The following SPPL3 variants were observed in gnomAD, a reference collection of about 807,000 sequenced individuals.
SPPL3 encodes the protein signal peptide peptidase like 3.
In SPPL3, 5 loss-of-function variants were observed where a neutral mutation model predicts 42.4. The ratio of observed to expected loss-of-function variants is 0.12; its 90% CI spans 0.06 to 0.25. SPPL3 has a LOEUF of 0.25. Ranked by LOEUF, SPPL3 falls within the 10% of genes least tolerant of loss-of-function variation. SPPL3 has a pLI of 1.00. For missense variants in SPPL3, 235 were observed against 489.0 expected, an observed-to-expected ratio of 0.48 and a Z score of 4.90; for synonymous variants, 195 against 181.8, an observed-to-expected ratio of 1.07 and a Z score of -0.58.
At chr12:120,844,479 C>T (rs1006801027) in intron 1 of SPPL3, among the ~76,000 whole-genome samples, 1 of 152,174 alleles carries the variant, frequency 6.6e-6, no homozygotes, top group Non-Finnish European at 1.5e-5. Flanking sequence ...ACCCAAGCTC[C>T]TGTCTACCTA....
At position 120,901,068 on chromosome 12, in the gene SPPL3, A is replaced by G. The variant is rs553607662; in HGVS notation, c.23+2777T>C. ...ATACCTTTTCCATATTTATATTTCA[A>G]TAAGAATGAGTAAAATGATGGGAGA... is the stretch of plus-strand genomic sequence containing the variant. On this transcript the variant is annotated intron_variant, in intron 1 of 10. Transcript: ENST00000353487. 3.3e-5 allele frequency among the ~76,000 whole-genome samples: 5 copies of G among 152,304 alleles called. No individual in the cohort carries two copies. In the East Asian group the frequency reaches 5.8e-4, roughly 18 times the overall value.
At chr12:120,767,135 G>A (rs1447568946) in intron 9 of SPPL3, among the ~76,000 whole-genome samples, 1 of 152,212 alleles carries the variant, frequency 6.6e-6, no homozygotes, top group Non-Finnish European at 1.5e-5. Context: ...CTAATCCACT[G>A]CACTGTGTGC....
intron 2 of SPPL3, among the ~76,000 whole-genome samples, chr12:120,793,629 C>T (rs1869997990): frequency 2.0e-5 from 3 of 152,320 alleles, no homozygotes; most frequent in South Asian, 4.1e-4. Flanking sequence ...TGAACTGGTG[C>T]AGACACTTTG....
chr12:120,795,438 T>C (rs923563739), intron 2 of SPPL3, among the ~76,000 whole-genome samples: 2 of 152,216 alleles, frequency 1.3e-5, no homozygotes, highest in African/African-American at 4.8e-5. Flanking sequence ...TTTCCGGTAG[T>C]GTATGGTATG....
At chr12:120,797,431 T>C (rs1439765822) in intron 2 of SPPL3, among the ~76,000 whole-genome samples, 2 of 152,180 alleles carry the variant, frequency 1.3e-5, no homozygotes, top group South Asian at 2.1e-4. Flanking sequence ...TCCTCAACTC[T>C]CAGGAATACT....
intron 1 of SPPL3, among the ~76,000 whole-genome samples, chr12:120,868,218 T>G (rs995888553): frequency 6.6e-6 from 1 of 151,320 alleles, no homozygotes; most frequent in Admixed American, 6.6e-5. Flanking sequence ...ATCATGCCAC[T>G]GCACTCCAGC....
chr12:120,811,006 G>A lies in SPPL3; in HGVS notation c.24-120C>T, dbSNP rs187108453. ...GTTTTTATCTTTAAGAAGGAAAAAA[G>A]GTATAAATTAGCATTAACAAAATAA... On this transcript the variant is annotated intron_variant, in intron 1 of 10. Transcript: ENST00000353487. 123 of 582,188 alleles carry A rather than the reference G, an allele frequency of 2.1e-4. No individual in the cohort carries two copies. The East Asian group carries it at 3.4e-3, about 16-fold the overall frequency. 36.1% of individuals were successfully genotyped at this position (582,188 alleles called of 1,614,324 possible).
intron 1 of SPPL3, among the ~76,000 whole-genome samples, chr12:120,900,901 G>A (rs374940347): frequency 8.9e-5 from 11 of 123,148 alleles, no homozygotes; most frequent in African/African-American, 1.9e-4. Flanking sequence ...CAGCCTGGGC[G>A]AAAGAGTGAG....
At chr12:120,898,770 G>A (rs1288446269) in intron 1 of SPPL3, among the ~76,000 whole-genome samples, 1 of 152,130 alleles carries the variant, frequency 6.6e-6, no homozygotes, top group Non-Finnish European at 1.5e-5. Context: ...CCTTGGGCAA[G>A]TTACTTACAT....
intron 6 of SPPL3, among the ~76,000 whole-genome samples, chr12:120,776,834 T>C (rs1411526320): frequency 6.6e-6 from 1 of 152,200 alleles, no homozygotes; most frequent in Non-Finnish European, 1.5e-5. Context: ...GTGGGATTAC[T>C]GAGAAACTCA....
Position 120,765,085 on chromosome 12 carries a change from A to G in SPPL3, c.1084-15T>C. The G allele has an allele frequency of 6.2e-7, 1 of 1,612,640 alleles. No individual in the cohort carries two copies. The highest frequency in any genetic ancestry group is 1.1e-5 in the South Asian group (1 of 90,822). ...CGGAGGTCGCCCTGGGAAACAAGGG[A>G]CTTTCTAAGTTACAGATTTAAACAT... On this transcript the variant is annotated splice_polypyrimidine_tract_variant and intron_variant, in intron 10 of 10. Coordinates refer to ENST00000353487, the MANE Select transcript of SPPL3 (RefSeq NM_139015.5).
intron 1 of SPPL3, among the ~76,000 whole-genome samples, chr12:120,877,476 G>A (rs1442518677): frequency 6.6e-6 from 1 of 152,168 alleles, no homozygotes; most frequent in African/African-American, 2.4e-5. Flanking sequence ...ATCAAACCCT[G>A]CCATACAGAA....
At chr12:120,860,610 T>C (rs181808048) in intron 1 of SPPL3, among the ~76,000 whole-genome samples, 5 of 152,288 alleles carry the variant, frequency 3.3e-5, no homozygotes, top group Admixed American at 2.0e-4. Context: ...AATCTGGGCA[T>C]GTATTTTGTT....
At chr12:120,825,783 T>A (rs1383817260) in intron 1 of SPPL3, among the ~76,000 whole-genome samples, 2 of 152,098 alleles carry the variant, frequency 1.3e-5, no homozygotes, top group Non-Finnish European at 2.9e-5. Context: ...AAATATTCAG[T>A]GTAGATAAAT....
chr12:120,828,913 T>A (rs538584213), intron 1 of SPPL3, among the ~76,000 whole-genome samples: 4 of 152,176 alleles, frequency 2.6e-5, no homozygotes, highest in Admixed American at 6.5e-5. Context: ...GTGCTACCAC[T>A]TCCGGCTAAG....
intron 1 of SPPL3, among the ~76,000 whole-genome samples, chr12:120,880,100 ACT>A (rs981016504): frequency 2.0e-5 from 3 of 151,090 alleles, no homozygotes; most frequent in African/African-American, 7.3e-5. Flanking sequence ...GACTCACACC[ACT>A]CAACAGGCTA....
chr12:120,878,545 C>G (rs773787141), intron 1 of SPPL3, among the ~76,000 whole-genome samples: 1 of 152,118 alleles, frequency 6.6e-6, no homozygotes, highest in African/African-American at 2.4e-5. Flanking sequence ...ATCTCTGACA[C>G]GAGTTTCTGT....
intron 1 of SPPL3, among the ~76,000 whole-genome samples, chr12:120,900,901 GAA>G (rs1310817079): frequency 8.1e-6 from 1 of 123,102 alleles, no homozygotes; most frequent in African/African-American, 3.2e-5. Context: ...CAGCCTGGGC[GAA>G]AGAGTGAGAC....
At chr12:120,860,607 G>A (rs1041674334) in intron 1 of SPPL3, among the ~76,000 whole-genome samples, 8 of 152,144 alleles carry the variant, frequency 5.3e-5, no homozygotes, top group South Asian at 2.1e-4. Context: ...AAAAATCTGG[G>A]CATGTATTTT....
Sources: allele counts gnomAD v4.1 joint callset (sites outside exome capture counted in the v4.1 genomes callset), GRCh38; gene constraint gnomAD v4.1.1; transcripts MANE v1.5; gene names NCBI Gene and HGNC (gene_info 2026-07-23, HGNC 2026-07-21).